The following TAF12 variants were observed in gnomAD, a reference collection of about 807,000 sequenced individuals.
The protein encoded by TAF12 is transcription initiation factor TFIID subunit 12.
Under a neutral mutation model 20.8 loss-of-function variants are expected in TAF12, and 3 were observed. That is an observed-to-expected ratio of 0.14 (90% CI 0.07 to 0.37). The LOEUF is 0.37. Among genes scored for constraint, TAF12 ranks in the 10% least tolerant of loss-of-function variants. TAF12 has a pLI of 1.00. For missense variants in TAF12, 131 were observed against 197.9 expected (o/e 0.66, Z 2.03); for synonymous variants, 69 against 70.2 (o/e 0.98, Z 0.09).
intron 1 of TAF12, among the ~76,000 whole-genome samples, chr1:28,635,433 G>A (rs908794230): frequency 6.6e-6 from 1 of 150,850 alleles, no homozygotes; most frequent in African/African-American, 2.4e-5. Context: ...AGCCTCCTGA[G>A]TAGCTGGGTC....
chr1:28,647,560 G>GTCCA (rs1276489682), upstream of TAF12, among the ~76,000 whole-genome samples: 1 of 152,018 alleles, frequency 6.6e-6, no homozygotes, highest in African/African-American at 2.4e-5. Context: ...CACAGCACCC[G>GTCCA]TCCATCATTA....
chr1:28,629,753 G>C (rs1667557153), intron 1 of TAF12, among the ~76,000 whole-genome samples: 1 of 151,012 alleles, frequency 6.6e-6, no homozygotes, highest in South Asian at 2.1e-4. Context: ...CAATAATCTT[G>C]CATCAGCCTC....
intron 1 of TAF12, among the ~76,000 whole-genome samples, chr1:28,625,598 G>A (rs1056681075): frequency 6.8e-6 from 1 of 147,544 alleles, no homozygotes; most frequent in Non-Finnish European, 1.5e-5. Context: ...TCGGACTGCA[G>A]TGGCACTAAC....
At chr1:28,606,521 G>T (rs747225060) in intron 4 of TAF12, among the ~76,000 whole-genome samples, 1 of 151,990 alleles carries the variant, frequency 6.6e-6, no homozygotes, top group African/African-American at 2.4e-5. Context: ...TCAGCCTCCC[G>T]AAGTGTTGGT....
chr1:28,622,204 C>T (rs563839615), intron 1 of TAF12, 39 bp from the exon 2 acceptor site: 1 of 1,448,110 alleles, frequency 6.9e-7, no homozygotes, highest in South Asian at 1.5e-5. Flanking sequence ...CTAGAAGAAC[C>T]TGTAATAAAG....
intron 3 of TAF12, among the ~76,000 whole-genome samples, chr1:28,616,407 A>G (rs550117204): frequency 6.4e-4 from 97 of 151,316 alleles, no homozygotes; most frequent in African/African-American, 2.2e-3. Flanking sequence ...AAAAAAAAAA[A>G]AAAAGAAAAG....
At chr1:28,610,102 C>G (rs147247495) in intron 4 of TAF12, among the ~76,000 whole-genome samples, 1 of 151,718 alleles carries the variant, frequency 6.6e-6, no homozygotes, top group Non-Finnish European at 1.5e-5. Flanking sequence ...CTCAGACTCC[C>G]GAGTAGCTAG....
At chr1:28,605,566 C>G in intron 4 of TAF12, 106 bp from the exon 5 acceptor site, 2 of 998,972 alleles carry the variant, frequency 2.0e-6, no homozygotes, top group Non-Finnish European at 3.0e-6. Context: ...CATCTGGCTA[C>G]TAACTCCACA....
intron 1 of TAF12, among the ~76,000 whole-genome samples, chr1:28,640,432 GAA>G (rs1336623116): frequency 6.6e-6 from 1 of 152,140 alleles, no homozygotes; most frequent in Non-Finnish European, 1.5e-5. Flanking sequence ...TAGAAGAGTA[GAA>G]AAAAGTTTTA....
chr1:28,604,268 AG>A (rs755820659), intron 5 of TAF12, among the ~76,000 whole-genome samples: 53 of 152,292 alleles, frequency 3.5e-4, no homozygotes, highest in Non-Finnish European at 7.1e-4. Context: ...ACAATAGGGA[AG>A]GGGCCTCAAT....
intron 4 of TAF12, among the ~76,000 whole-genome samples, chr1:28,608,433 T>C (rs1424319626): frequency 6.6e-6 from 1 of 151,204 alleles, no homozygotes; most frequent in Non-Finnish European, 1.5e-5. Flanking sequence ...CAACAAAAAG[T>C]AGATAAAGTG....
chr1:28,639,211 G>C (rs938528310), intron 1 of TAF12, among the ~76,000 whole-genome samples: 1 of 151,570 alleles, frequency 6.6e-6, no homozygotes, highest in African/African-American at 2.4e-5. Flanking sequence ...GAGGTCAGGA[G>C]TTCGAGACAA....
intron 1 of TAF12, among the ~76,000 whole-genome samples, chr1:28,626,424 AC>A: frequency 1.3e-5 from 2 of 151,690 alleles, no homozygotes; most frequent in East Asian, 2.0e-4. Flanking sequence ...TACTAAAAAT[AC>A]AAAAAATTAG....
At chr1:28,614,263 AT>A (rs917467540) in intron 3 of TAF12, among the ~76,000 whole-genome samples, 4 of 151,556 alleles carry the variant, frequency 2.6e-5, no homozygotes, top group African/African-American at 7.3e-5. Context: ...AATTAAAAAA[AT>A]AATAACAAAT....
chr1:28,629,194 G>A (rs1021793106), intron 1 of TAF12, among the ~76,000 whole-genome samples: 2 of 152,132 alleles, frequency 1.3e-5, no homozygotes, highest in Non-Finnish European at 2.9e-5. Context: ...TATCTGGGTG[G>A]CCTATGGGAC....
At chr1:28,608,020 C>T (rs1666723945) in intron 4 of TAF12, among the ~76,000 whole-genome samples, 1 of 151,672 alleles carries the variant, frequency 6.6e-6, no homozygotes, top group Non-Finnish European at 1.5e-5. Context: ...GCCTATAATC[C>T]CAGCTACAAG....
intron 4 of TAF12, among the ~76,000 whole-genome samples, chr1:28,610,524 A>T (rs1235394912): frequency 6.6e-6 from 1 of 152,048 alleles, no homozygotes; most frequent in African/African-American, 2.4e-5. Context: ...TGTGTTAACC[A>T]GGCTAGTCTT....
At chr1:28,612,685 C>T (rs911880164) in intron 4 of TAF12, among the ~76,000 whole-genome samples, 42 of 151,488 alleles carry the variant, frequency 2.8e-4, no homozygotes, top group Middle Eastern at 3.2e-3. Context: ...TCACTGTTAG[C>T]TGAGTATCTC....
intron 1 of TAF12, among the ~76,000 whole-genome samples, chr1:28,628,541 G>A (rs937467056): frequency 4.0e-5 from 6 of 151,758 alleles, no homozygotes; most frequent in Non-Finnish European, 7.4e-5. Context: ...TTTCTTTTAC[G>A]GGATACAAAA....
Sources: allele counts gnomAD v4.1 joint callset (sites outside exome capture counted in the v4.1 genomes callset), GRCh38; gene constraint gnomAD v4.1.1; transcripts MANE v1.5; gene names NCBI Gene and HGNC (gene_info 2026-07-23, HGNC 2026-07-21).